Variants in SEMA6D observed in about 807,000 individuals in gnomAD.
SEMA6D encodes the protein semaphorin-6D.
In SEMA6D, 35 loss-of-function variants were observed where a neutral mutation model predicts 106.6. That is an observed-to-expected ratio of 0.33 (90% CI 0.25 to 0.44). The LOEUF (loss-of-function observed/expected upper bound fraction) is 0.44, where lower values mean the gene tolerates loss of function less well. Among genes scored for constraint, SEMA6D ranks in the 20% least tolerant of loss-of-function variants. SEMA6D has a pLI of 1.00. For synonymous variants in SEMA6D, 499 were observed against 487.7 expected (o/e 1.02, Z -0.31); for missense variants, 1,185 against 1,345.9 (o/e 0.88, Z 1.87).
intron 2 of SEMA6D, 79 bp downstream of exon 2, chr15:47,759,986 A>G: frequency 9.6e-7 from 1 of 1,038,710 alleles, no homozygotes; most frequent in Non-Finnish European, 1.5e-6. Context: ...GTTCATTTTC[A>G]GAAAGAGGCA....
At position 47,766,170 on chromosome 15, in the gene SEMA6D, C is replaced by T; in HGVS notation, c.1634C>T (p.Thr545Ile). 1 of 1,613,042 alleles carries T rather than the reference C, an allele frequency of 6.2e-7. No homozygotes were observed. The highest frequency in any genetic ancestry group is 8.5e-7 in the Non-Finnish European group (1 of 1,179,306). ...AGCCAGGGATCCTGTGGTAGAGTGACCCCAGGGATGCTGTAAGTATACTTT... is the reference window on the plus strand; with the variant it reads ...AGCCAGGGATCCTGTGGTAGAGTGATCCCAGGGATGCTGTAAGTATACTTT... ...WLSQGSCGRV[T>I]PGMLAEGYEQ... Residue 545 changes from threonine (T) to isoleucine (I), a missense_variant, in exon 15 of 19, where the codon ACC (threonine) becomes ATC (isoleucine). Thr to Ile is a moderately conservative substitution (Grantham distance 89). Coordinates refer to ENST00000536845, the MANE Select transcript of SEMA6D (RefSeq NM_001358351.3).
intron 2 of SEMA6D, among the ~76,000 whole-genome samples, chr15:47,417,770 T>A (rs1345584564): frequency 6.6e-6 from 1 of 152,078 alleles, no homozygotes; most frequent in Non-Finnish European, 1.5e-5. Context: ...TAATTTTCCA[T>A]GTGAAAGACA....
At chr15:47,251,467 T>C (rs902913729) in intron 1 of SEMA6D, among the ~76,000 whole-genome samples, 1 of 152,220 alleles carries the variant, frequency 6.6e-6, no homozygotes, top group African/African-American at 2.4e-5. Context: ...TCCTCAAACA[T>C]GTCATATTGG....
chr15:47,404,197 C>T (rs371939138), intron 1 of SEMA6D, among the ~76,000 whole-genome samples: 38 of 152,092 alleles, frequency 2.5e-4, no homozygotes, highest in African/African-American at 8.4e-4. Flanking sequence ...CCTCTAATAC[C>T]CTAGCAAGGA....
chr15:47,341,819 C>T (rs1428566750), intron 1 of SEMA6D, among the ~76,000 whole-genome samples: 2 of 151,994 alleles, frequency 1.3e-5, no homozygotes, highest in East Asian at 3.9e-4. Context: ...ATTCCTTGTG[C>T]CTTCTGGGAA....
chr15:47,638,913 G>C (rs2077439699), intron 4 of SEMA6D, among the ~76,000 whole-genome samples: 1 of 152,276 alleles, frequency 6.6e-6, no homozygotes, highest in African/African-American at 2.4e-5. Flanking sequence ...GTAGCACTTG[G>C]TCTCAGGAAA....
intron 1 of SEMA6D, among the ~76,000 whole-genome samples, chr15:47,398,060 A>G (rs1250532732): frequency 1.3e-5 from 2 of 152,160 alleles, no homozygotes; most frequent in Non-Finnish European, 2.9e-5. Flanking sequence ...CCTAGCAAAA[A>G]TCCGTAGCAG....
intron 3 of SEMA6D, among the ~76,000 whole-genome samples, chr15:47,508,859 AAC>A (rs2044135871): frequency 6.6e-6 from 1 of 152,224 alleles, no homozygotes; most frequent in East Asian, 1.9e-4. Context: ...TCATCTATAA[AAC>A]AGAGATAATA....
At chr15:47,357,873 C>G (rs1429239748) in intron 1 of SEMA6D, among the ~76,000 whole-genome samples, 1 of 152,180 alleles carries the variant, frequency 6.6e-6, no homozygotes, top group Non-Finnish European at 1.5e-5. Context: ...AACATTTTCA[C>G]TCTTTTAGCA....
chr15:47,503,594 G>A (rs1417165109), intron 3 of SEMA6D, among the ~76,000 whole-genome samples: 1 of 152,042 alleles, frequency 6.6e-6, no homozygotes, highest in African/African-American at 2.4e-5. Context: ...GTTCCACCAT[G>A]TAGATATGGC....
At chr15:47,439,155 A>G (rs1023910668) in intron 2 of SEMA6D, among the ~76,000 whole-genome samples, 1 of 152,150 alleles carries the variant, frequency 6.6e-6, no homozygotes, top group African/African-American at 2.4e-5. Flanking sequence ...CACATATTAT[A>G]ATTAGAGCAT....
chr15:47,342,445 A>C (rs2037855859), intron 1 of SEMA6D, among the ~76,000 whole-genome samples: 1 of 152,188 alleles, frequency 6.6e-6, no homozygotes, highest in Admixed American at 6.5e-5. Context: ...CACTATTAAG[A>C]TGTTCTGAGT....
chr15:47,657,175 C>G (rs972711174), intron 4 of SEMA6D, among the ~76,000 whole-genome samples: 1 of 152,162 alleles, frequency 6.6e-6, no homozygotes, highest in African/African-American at 2.4e-5. Flanking sequence ...GTAATGCTAA[C>G]ATTTATAGAA....
At chr15:47,256,920 A>G (rs2033832329) in intron 1 of SEMA6D, among the ~76,000 whole-genome samples, 1 of 152,172 alleles carries the variant, frequency 6.6e-6, no homozygotes, top group Non-Finnish European at 1.5e-5. Context: ...TGAAGTTTCT[A>G]TGTATTCCAT....
chr15:47,300,169 G>C (rs1185876561), intron 1 of SEMA6D, among the ~76,000 whole-genome samples: 1 of 152,156 alleles, frequency 6.6e-6, no homozygotes, highest in South Asian at 2.1e-4. Flanking sequence ...CAGCTCAGCT[G>C]CTGTGCTTTC....
At chr15:47,445,170 G>A (rs1388628512) in intron 2 of SEMA6D, among the ~76,000 whole-genome samples, 1 of 152,034 alleles carries the variant, frequency 6.6e-6, no homozygotes, top group Non-Finnish European at 1.5e-5. Context: ...TCTCCATGGA[G>A]CGTATGGTTT....
intron 1 of SEMA6D, among the ~76,000 whole-genome samples, chr15:47,399,771 T>C (rs931804945): frequency 6.6e-6 from 1 of 152,178 alleles, no homozygotes; most frequent in Admixed American, 6.5e-5. Context: ...CTCATTAAAG[T>C]GGACTTGTGT....
chr15:47,635,013 C>G (rs1250040340), intron 4 of SEMA6D, among the ~76,000 whole-genome samples: 1 of 152,122 alleles, frequency 6.6e-6, no homozygotes. Context: ...CAGTCAATAA[C>G]AGATAGTACA....
intron 1 of SEMA6D, among the ~76,000 whole-genome samples, chr15:47,733,491 A>G (rs2080261533): frequency 6.6e-6 from 1 of 152,148 alleles, no homozygotes; most frequent in Non-Finnish European, 1.5e-5. Flanking sequence ...GTAAAACTTC[A>G]CTCAGGCTTC....
Sources: gnomAD v4.1 joint callset for allele counts (sites outside exome capture counted in the v4.1 genomes callset) on GRCh38, gnomAD v4.1.1 for gene constraint, MANE v1.5 for transcripts, NCBI Gene and HGNC (gene_info 2026-07-23, HGNC 2026-07-21) for gene names.